TRIO: variants seen among roughly 807,000 people sequenced by gnomAD.
TRIO encodes the protein trio Rho guanine nucleotide exchange factor, also known as triple functional domain protein.
In TRIO, 58 loss-of-function variants were observed where a neutral mutation model predicts 351.9. The ratio of observed to expected loss-of-function variants is 0.16; its 90% CI spans 0.13 to 0.21. TRIO has a LOEUF of 0.21. Among genes scored for constraint, TRIO ranks in the 10% least tolerant of loss-of-function variants. The pLI is 1.00. For synonymous variants in TRIO, 1,758 were observed against 1,595.7 expected (o/e 1.10, Z -2.42); for missense variants, 3,201 against 4,027.8 (o/e 0.79, Z 5.56).
intron 55 of TRIO, among the ~76,000 whole-genome samples, chr5:14,506,450 A>G (rs900264964): frequency 6.6e-6 from 1 of 152,024 alleles, no homozygotes; most frequent in Non-Finnish European, 1.5e-5. Flanking sequence ...TGGCTTCTCC[A>G]CTCTGGAGCT....
chr5:14,211,104 T>A (rs905935170), intron 1 of TRIO, among the ~76,000 whole-genome samples: 3 of 152,248 alleles, frequency 2.0e-5, no homozygotes, highest in African/African-American at 7.2e-5. Context: ...ACATTATTTT[T>A]AGACCTTTTG....
chr5:14,193,420 A>G (rs1790567855), intron 1 of TRIO, among the ~76,000 whole-genome samples: 1 of 152,230 alleles, frequency 6.6e-6, no homozygotes, highest in African/African-American at 2.4e-5. Context: ...TAAATTGACC[A>G]TATTTTCTGT....
chr5:14,291,280 G>T, intron 5 of TRIO, 52 bp downstream of exon 5: 2 of 1,558,752 alleles, frequency 1.3e-6, no homozygotes, highest in South Asian at 2.4e-5. Flanking sequence ...AGCCAGCGCT[G>T]GTGGGTTCGG....
intron 4 of TRIO, among the ~76,000 whole-genome samples, chr5:14,289,601 A>G (rs1346087094): frequency 6.6e-6 from 1 of 152,096 alleles, no homozygotes; most frequent in East Asian, 1.9e-4. Flanking sequence ...TAATCCCAGC[A>G]CTTTGGGAGG....
rs377159049 is a variant in TRIO, at chr5:14,359,435, C to T, written c.2295C>T (p.Asp765=). The change falls in exon 13 of 57, where the codon GAC becomes GAT. Residue 765 remains aspartate (D), a synonymous_variant. Transcript: ENST00000344204. ...NHIETVLQQL[D]EAQSQMEELF... ...TTGAGACGGTGCTGCAGCAGCTGGACGAGGCGCAGTCGCAGATGGAGGAGC... is the reference window on the plus strand; with the variant it reads ...TTGAGACGGTGCTGCAGCAGCTGGATGAGGCGCAGTCGCAGATGGAGGAGC... 19 of 1,614,280 alleles carry T rather than the reference C, an allele frequency of 1.2e-5. No homozygotes were observed. Among genetic ancestry groups the T allele is most frequent in the South Asian group, 5.5e-5 (5 of 91,086 alleles).
At position 14,297,150 on chromosome 5, in the gene TRIO, A is replaced by C. The variant is rs764954869; in HGVS notation, c.1255A>C (p.Ile419Leu). The change falls in exon 7 of 57, where the codon ATC becomes CTC. Residue 419 changes from isoleucine to leucine, a missense_variant. Transcript: ENST00000344204. ...VESGHYASQQ[I>L]RQIASQLEQE... ...GTCTGGCCACTATGCCTCGCAGCAG[A>C]TCAGGCAGATCGCGAGTCAGCTGGA... 2 of 1,614,192 alleles carry C rather than the reference A, an allele frequency of 1.2e-6. No homozygotes were observed. Among genetic ancestry groups the C allele is most frequent in the South Asian group, 2.2e-5 (2 of 91,082 alleles).
rs181715014 is a variant in TRIO at position 14,148,905 on chromosome 5, C to T, written c.157+5023C>T. Among the ~76,000 whole-genome samples, 53 of 152,306 alleles carry T rather than the reference C, an allele frequency of 3.5e-4. No individual in the cohort carries two copies. The East Asian group carries it at 5.2e-3, about 15-fold the overall frequency. ...GTCCCCAGCTGGAGCAAGGGGTAAG[C>T]GGGTTCGATGTGCATCCACAGGGTT... On this transcript the variant is annotated intron_variant, in intron 1 of 56. Transcript: ENST00000344204.
intron 33 of TRIO, among the ~76,000 whole-genome samples, chr5:14,411,927 T>C (rs1749238365): frequency 6.6e-6 from 1 of 152,044 alleles, no homozygotes; most frequent in Non-Finnish European, 1.5e-5. Context: ...TTATTCTTAA[T>C]GAAGCCTTAG....
At chr5:14,271,379 A>T (rs1471734889) in intron 2 of TRIO, among the ~76,000 whole-genome samples, 2 of 152,006 alleles carry the variant, frequency 1.3e-5, no homozygotes, top group Admixed American at 1.3e-4. Flanking sequence ...AGTAACTAGG[A>T]CCCATGTCAT....
intron 1 of TRIO, among the ~76,000 whole-genome samples, chr5:14,225,981 G>A (rs1027576874): frequency 2.0e-5 from 3 of 152,196 alleles, no homozygotes; most frequent in African/African-American, 4.8e-5. Context: ...TTTGAGTTCC[G>A]CCGTGGCAGG....
At chr5:14,205,266 T>A (rs1385683672) in intron 1 of TRIO, among the ~76,000 whole-genome samples, 1 of 152,210 alleles carries the variant, frequency 6.6e-6, no homozygotes, top group Non-Finnish European at 1.5e-5. Context: ...CTGTTTCTTT[T>A]GTGGATTGCA....
At chr5:14,192,290 T>C (rs1263944806) in intron 1 of TRIO, among the ~76,000 whole-genome samples, 2 of 151,714 alleles carry the variant, frequency 1.3e-5, no homozygotes, top group Non-Finnish European at 2.9e-5. Context: ...AACAGAGTCT[T>C]GCTCTGTCGC....
At chr5:14,261,362 GCTTAA>G (rs1281779237) in intron 1 of TRIO, among the ~76,000 whole-genome samples, 2 of 152,208 alleles carry the variant, frequency 1.3e-5, no homozygotes, top group African/African-American at 4.8e-5. Flanking sequence ...CCTCACAGAG[GCTTAA>G]CTTGTGTTCA....
At chr5:14,239,783 A>G (rs1304283125) in intron 1 of TRIO, among the ~76,000 whole-genome samples, 7 of 152,218 alleles carry the variant, frequency 4.6e-5, no homozygotes, top group Non-Finnish European at 1.0e-4. Flanking sequence ...CGCAAAATTC[A>G]CTTCAGCAAT....
intron 1 of TRIO, among the ~76,000 whole-genome samples, chr5:14,164,190 A>G (rs1419981019): frequency 2.6e-5 from 4 of 152,244 alleles, no homozygotes; most frequent in East Asian, 1.9e-4. Flanking sequence ...TTCTGTGTCA[A>G]TGCTAGAAAA....
intron 11 of TRIO, among the ~76,000 whole-genome samples, chr5:14,344,554 A>G (rs912125856): frequency 2.0e-5 from 3 of 152,220 alleles, no homozygotes; most frequent in African/African-American, 7.2e-5. Flanking sequence ...TTACACGTGG[A>G]AAGCACCTCA....
intron 16 of TRIO, 131 bp downstream of exon 16, chr5:14,367,110 AATTG>A: frequency 7.8e-7 from 1 of 1,280,256 alleles, no homozygotes; most frequent in Middle Eastern, 2.5e-4. Context: ...AGAGGACCCA[AATTG>A]GCAACGCTTC....
chr5:14,313,674 G>A (rs1431216984), intron 8 of TRIO, among the ~76,000 whole-genome samples: 1 of 152,188 alleles, frequency 6.6e-6, no homozygotes, highest in Non-Finnish European at 1.5e-5. Flanking sequence ...CTGTCTTTCT[G>A]TGTTGCCTTT....
chr5:14,221,042 G>C (rs567183456), intron 1 of TRIO, among the ~76,000 whole-genome samples: 24 of 152,288 alleles, frequency 1.6e-4, no homozygotes, highest in Non-Finnish European at 2.4e-4. Context: ...TAATGCAGCT[G>C]GGGACTTTGT....
Sources: allele counts gnomAD v4.1 joint callset (sites outside exome capture counted in the v4.1 genomes callset), GRCh38; gene constraint gnomAD v4.1.1; transcripts MANE v1.5; gene names NCBI Gene and HGNC (gene_info 2026-07-23, HGNC 2026-07-21).